Variants in DYNC2H1 observed in about 807,000 individuals in gnomAD.
DYNC2H1 encodes the protein cytoplasmic dynein 2 heavy chain 1.
DYNC2H1 carries 410 observed loss-of-function variants against 570.0 expected under a neutral mutation model. The ratio of observed to expected loss-of-function variants is 0.72; its 90% CI spans 0.66 to 0.78. DYNC2H1 has a LOEUF of 0.78. DYNC2H1 is among the 30% of genes least tolerant of loss of function. The pLI is 0.00. For missense variants in DYNC2H1, 4,865 were observed against 5,046.4 expected, an observed-to-expected ratio of 0.96 and a Z score of 1.09; for synonymous variants, 1,688 against 1,677.6, an observed-to-expected ratio of 1.01 and a Z score of -0.15.
intron 84 of DYNC2H1, among the ~76,000 whole-genome samples, chr11:103,419,408 T>C (rs1421757805): frequency 6.6e-6 from 1 of 152,064 alleles, no homozygotes; most frequent in Non-Finnish European, 1.5e-5. Context: ...ATTATCCCGC[T>C]GGGACAGAGC....
chr11:103,153,154 A>T lies in DYNC2H1; in HGVS notation c.3097-149A>T. The T allele has an allele frequency of 1.1e-5, 7 of 621,986 alleles. 1 individual carries two copies. The highest frequency in any genetic ancestry group is 1.9e-5 in the Non-Finnish European group (7 of 377,552). 38.5% of individuals were successfully genotyped at this position (621,986 alleles called of 1,614,324 possible). On this transcript the variant is annotated intron_variant, in intron 21 of 88. Coordinates refer to ENST00000375735, the MANE Select transcript of DYNC2H1 (RefSeq NM_001377.3). ...GAATTATTTTATTGAACTTGGAATT[A>T]ATAATTAAAATAACAACCATCCTTT...
At chr11:103,386,676 G>C (rs891976352) in intron 83 of DYNC2H1, among the ~76,000 whole-genome samples, 1 of 152,024 alleles carries the variant, frequency 6.6e-6, no homozygotes, top group Non-Finnish European at 1.5e-5. Flanking sequence ...ACAGGCCCCA[G>C]TGTGTGATGT....
At chr11:103,272,755 C>T (rs1200418224) in intron 70 of DYNC2H1, among the ~76,000 whole-genome samples, 3 of 151,974 alleles carry the variant, frequency 2.0e-5, no homozygotes, top group East Asian at 3.9e-4. Flanking sequence ...AGTAGTTTCA[C>T]TCTAATTATA....
At chr11:103,466,711 T>A (rs1433952136) in intron 87 of DYNC2H1, among the ~76,000 whole-genome samples, 5 of 152,210 alleles carry the variant, frequency 3.3e-5, no homozygotes, top group African/African-American at 7.2e-5. Flanking sequence ...AAAATTTGAT[T>A]CCATTTCATG....
At chr11:103,303,726 G>A (rs966608579) in intron 76 of DYNC2H1, among the ~76,000 whole-genome samples, 1 of 152,176 alleles carries the variant, frequency 6.6e-6, no homozygotes, top group Non-Finnish European at 1.5e-5. Flanking sequence ...TAGTACCTTT[G>A]TTTTCAAACT....
Position 103,324,963 on chromosome 11 carries a change from C to T in DYNC2H1, c.12039+973C>T, listed in dbSNP as rs1938395030. On this transcript the variant is annotated intron_variant, in intron 82 of 88. Transcript: ENST00000375735. This position sits in a 1 kb window ranked among gnomAD's most constrained non-coding sequence, Gnocchi z 5.2. ...TTGATTTGCATTTCTCTAATGATCACAATGTCAAATATTTTTTCATATGTT... is the reference window on the plus strand; with the variant it reads ...TTGATTTGCATTTCTCTAATGATCATAATGTCAAATATTTTTTCATATGTT... Among the ~76,000 whole-genome samples, 1 of 152,050 alleles carries T rather than the reference C, an allele frequency of 6.6e-6. No individual in the cohort carries two copies. The highest frequency in any genetic ancestry group is 2.4e-5 in the African/African-American group (1 of 41,416).
intron 85 of DYNC2H1, among the ~76,000 whole-genome samples, chr11:103,444,113 C>A (rs1343484832): frequency 6.6e-6 from 1 of 150,962 alleles, no homozygotes; most frequent in Non-Finnish European, 1.5e-5. Flanking sequence ...ATTAATATTT[C>A]TTGACTAAAA....
chr11:103,288,684 T>TGA (rs1401919829), intron 75 of DYNC2H1, among the ~76,000 whole-genome samples: 1 of 27,904 alleles, frequency 3.6e-5, no homozygotes, highest in Non-Finnish European at 6.0e-5. Flanking sequence ...CCGTCTCTAC[T>TGA]AAAAAAAAAA....
chr11:103,282,165 T>G lies in DYNC2H1; in HGVS notation c.10762-14T>G. 3 of 1,604,198 alleles carry G rather than the reference T, an allele frequency of 1.9e-6. No homozygotes were observed. Among genetic ancestry groups the G allele is most frequent in the Non-Finnish European group, 2.6e-6 (3 of 1,175,298 alleles). ...ATTTTTATATTTTTGTGTTCCTATA[T>G]TTTTATTCAATAGGAATGGGATACG... On this transcript the variant is annotated splice_polypyrimidine_tract_variant and intron_variant, in intron 71 of 88. Transcript: ENST00000375735.
intron 82 of DYNC2H1, among the ~76,000 whole-genome samples, chr11:103,344,246 C>A (rs972260165): frequency 3.9e-5 from 6 of 152,190 alleles, no homozygotes; most frequent in African/African-American, 2.4e-5. Context: ...TCCTCATAGT[C>A]TTAAACCAGT....
intron 25 of DYNC2H1, 87 bp from the exon 26 acceptor site, chr11:103,156,301 T>C: frequency 7.7e-7 from 1 of 1,305,948 alleles, no homozygotes; most frequent in African/African-American, 1.5e-5. Context: ...CCAGATAAAA[T>C]ATATTTTTCA....
chr11:103,322,758 G>A (rs1006307921), intron 81 of DYNC2H1, among the ~76,000 whole-genome samples: 1 of 152,110 alleles, frequency 6.6e-6, no homozygotes, highest in African/African-American at 2.4e-5. Context: ...AAATTTATAG[G>A]ATGACTTATG....
Position 103,145,817 on chromosome 11 carries a change from A to G in DYNC2H1, c.2703-1955A>G, listed in dbSNP as rs912204010. On this transcript the variant is annotated intron_variant, in intron 18 of 88. Coordinates refer to ENST00000375735, the MANE Select transcript of DYNC2H1 (RefSeq NM_001377.3). The surrounding 1 kb of genome is among the most constrained non-coding windows in gnomAD (Gnocchi z 4.2). Reference sequence around the variant, plus strand: ...ATATAATGAGTCATCTTCCATTTCTATCTATGGCTGAACAGAATCTCAGTT... The same window carrying G: ...ATATAATGAGTCATCTTCCATTTCTGTCTATGGCTGAACAGAATCTCAGTT... Among the ~76,000 whole-genome samples, 24 of 152,208 alleles carry G rather than the reference A, an allele frequency of 1.6e-4. No individual in the cohort carries two copies. Among genetic ancestry groups the G allele is most frequent in the Non-Finnish European group, 3.5e-4 (24 of 68,020 alleles).
At position 103,182,071 on chromosome 11, in the gene DYNC2H1, AT is replaced by A. The variant is rs879922596; in HGVS notation, c.6477+189del. ...GTTATATCTCTTATCATAACTTTTTATTTTGTTAGTCTTAAAACATTTTACT... is the reference window on the plus strand; with the variant it reads ...GTTATATCTCTTATCATAACTTTTTATTTGTTAGTCTTAAAACATTTTACT... On this transcript the variant is annotated intron_variant, in intron 40 of 88. Coordinates refer to ENST00000375735, the MANE Select transcript of DYNC2H1 (RefSeq NM_001377.3). Among the ~76,000 whole-genome samples the A allele has an allele frequency of 3.3e-5, 5 of 151,474 alleles. No homozygotes were observed. In the Admixed American group the frequency reaches 3.3e-4, roughly 10 times the overall value.
intron 62 of DYNC2H1, 144 bp from the exon 63 acceptor site, chr11:103,236,286 T>A: frequency 1.8e-6 from 1 of 562,150 alleles, no homozygotes; most frequent in South Asian, 2.4e-5. Context: ...TTTTTCTCCG[T>A]GGGTTTGGGT....
intron 1 of DYNC2H1, among the ~76,000 whole-genome samples, chr11:103,110,160 C>T (rs1000365504): frequency 3.9e-5 from 6 of 152,052 alleles, no homozygotes. Flanking sequence ...TCCCGAGTAG[C>T]AGGCGCGCGC....
chr11:103,305,315 A>C lies in DYNC2H1; in HGVS notation c.11382+595A>C, dbSNP rs313386. ...GGATTTTGCTAAGTATAGGCAAAGAAAGGATATCATGATTTTAATTCCATC... is the reference window on the plus strand; with the variant it reads ...GGATTTTGCTAAGTATAGGCAAAGACAGGATATCATGATTTTAATTCCATC... On this transcript the variant is annotated intron_variant, in intron 77 of 88. Coordinates refer to ENST00000375735, the MANE Select transcript of DYNC2H1 (RefSeq NM_001377.3). The surrounding 1 kb of genome is among the most constrained non-coding windows in gnomAD (Gnocchi z 4.3). Among the ~76,000 whole-genome samples the C allele has an allele frequency of 0.11, 16,692 of 152,142 alleles. 1,607 individuals carry two copies. Among genetic ancestry groups the C allele is most frequent in the African/African-American group, 0.25 (10,242 of 41,468 alleles).
Position 103,417,909 on chromosome 11 carries a change from C to T in DYNC2H1, c.12367-18034C>T, listed in dbSNP as rs192499098. On this transcript the variant is annotated intron_variant, in intron 84 of 88. Transcript: ENST00000375735. Reference sequence around the variant, plus strand: ...AAAAAAATTGATCAATGTTATTTACCATAATAGACTCATAAAGAAAAATTG... The same window carrying T: ...AAAAAAATTGATCAATGTTATTTACTATAATAGACTCATAAAGAAAAATTG... Among the ~76,000 whole-genome samples, 368 of 149,714 alleles carry T rather than the reference C, an allele frequency of 2.5e-3. 1 individual carries two copies. Among genetic ancestry groups the T allele is most frequent in the South Asian group, 0.015 (73 of 4,740 alleles).
rs1280907986 is a variant in DYNC2H1 at position 103,186,978 on chromosome 11, A to G, written c.6894-362A>G. 2.0e-5 allele frequency among the ~76,000 whole-genome samples: 3 copies of G among 151,966 alleles called. No homozygotes were observed. Among genetic ancestry groups the G allele is most frequent in the Non-Finnish European group, 4.4e-5 (3 of 67,970 alleles). ...GGGGAGTAGTAATTTTAAAAATTGT[A>G]TAAAATCATAGTAATTTTTTTAAAC... On this transcript the variant is annotated intron_variant, in intron 42 of 88. Coordinates refer to ENST00000375735, the MANE Select transcript of DYNC2H1 (RefSeq NM_001377.3). The surrounding 1 kb of genome is among the most constrained non-coding windows in gnomAD (Gnocchi z 4.5).
Sources: gnomAD v4.1 joint callset for allele counts (sites outside exome capture counted in the v4.1 genomes callset) on GRCh38, gnomAD v4.1.1 for gene constraint, Gnocchi (gnomAD v3.1) non-coding constraint, MANE v1.5 for transcripts, NCBI Gene and HGNC (gene_info 2026-07-23, HGNC 2026-07-21) for gene names.